Variants in ZNF615 observed in about 807,000 individuals in gnomAD.
ZNF615 encodes zinc finger protein 615.
A neutral mutation model predicts 15.3 loss-of-function variants in ZNF615; 15 were observed. That is an observed-to-expected ratio of 0.98 (90% confidence interval 0.66 to 1.51). ZNF615 has a LOEUF of 1.51. Ranked by LOEUF, ZNF615 falls within the 40% of genes most tolerant of loss-of-function variation. The pLI, the probability that ZNF615 is intolerant of heterozygous loss-of-function variation, is 0.00. For synonymous variants in ZNF615, 268 were observed against 294.6 expected (o/e 0.91, Z 0.92); for missense variants, 848 against 895.9 (o/e 0.95, Z 0.68).
At position 51,994,391 on chromosome 19, in the gene ZNF615, C is replaced by T. The variant is rs1468028068; in HGVS notation, c.718G>A (p.Glu240Lys). 1 of 1,614,140 alleles carries T rather than the reference C, an allele frequency of 6.2e-7. No individual in the cohort carries two copies. Among genetic ancestry groups the T allele is most frequent in the East Asian group, 2.2e-5 (1 of 44,876 alleles). ...FIDHQRVHTGEKPHVCSMCGK... is the reference protein window; with the variant it reads ...FIDHQRVHTGKKPHVCSMCGK... ...CACATACTGCATACATGAGGTTTTT[C>T]TCCAGTGTGAACTCTCTGATGATCA... The change falls in exon 7 of 7, where the codon GAA becomes AAA. Residue 240 changes from glutamate (E) to lysine (K), a missense_variant. By Grantham distance (56) the Glu-to-Lys change is moderately conservative. Transcript: ENST00000598071.
chr19:52,007,872 A>C, intron 1 of ZNF615: 1 of 444,812 alleles, frequency 2.2e-6, no homozygotes, highest in Non-Finnish European at 4.0e-6. Context: ...GCGGATCTCT[A>C]GAGATCTTTA....
rs574294806 is a variant in ZNF615, at chr19:52,003,845, T to C, written c.-134A>G. The C allele has an allele frequency of 9.3e-5, 141 of 1,508,816 alleles. No individual in the cohort carries two copies. In the African/African-American group the frequency reaches 1.8e-3, roughly 20 times the overall value. 93.5% of individuals were successfully genotyped at this position (1,508,816 alleles called of 1,614,324 possible). The stretch of plus-strand genomic sequence containing the variant: ...CCCCAGAAATGATGACACCCAAGTC[T>C]TGGAAACTCCGCCTCCTTCCTTCAC... On this transcript the variant is annotated 5_prime_UTR_variant, in exon 3 of 7. Coordinates refer to ENST00000598071, the MANE Select transcript of ZNF615 (RefSeq NM_001199324.2).
intron 2 of ZNF615, among the ~76,000 whole-genome samples, chr19:52,005,478 C>T (rs2086727916): frequency 6.6e-6 from 1 of 152,158 alleles, no homozygotes; most frequent in Non-Finnish European, 1.5e-5. Context: ...GTGGCAGCTA[C>T]TCAACTCTAC....
At chr19:51,996,045 C>T (rs17695996) in intron 6 of ZNF615, among the ~76,000 whole-genome samples, 8,882 of 151,896 alleles carry the variant, frequency 0.058, 289 homozygotes, top group Non-Finnish European at 0.062. Context: ...TTCAATGGGA[C>T]GAGTGAAAGA....
rs946573603 is a variant in ZNF615 at position 51,992,211 on chromosome 19, C to T, written c.*669G>A. On this transcript the variant is annotated 3_prime_UTR_variant, in exon 7 of 7. Transcript: ENST00000598071. ...TTATATACAATATTAAATTTTAGTT[C>T]GTGATTAGAGGAAGTCACAATTTAA... 4 of 152,152 alleles carry T rather than the reference C, an allele frequency of 2.6e-5. No individual in the cohort carries two copies. The highest frequency in any genetic ancestry group is 1.9e-4 in the East Asian group (1 of 5,170). The allele number at this position is 152,152 out of a possible 1,614,324, so 9.4% of individuals were successfully genotyped here.
intron 6 of ZNF615, among the ~76,000 whole-genome samples, chr19:51,995,717 T>A (rs191859297): frequency 2.0e-3 from 308 of 152,094 alleles, no homozygotes; most frequent in African/African-American, 7.3e-3. Context: ...ACCACAGGCA[T>A]GTGCCACCAC....
intron 1 of ZNF615, chr19:52,007,820 G>A (rs532343290): frequency 9.0e-6 from 3 of 335,134 alleles, no homozygotes; most frequent in South Asian, 6.1e-5. Flanking sequence ...CCCGCCAAAG[G>A]ACAACACCAA....
chr19:51,997,258 T>C (rs2086466616), intron 6 of ZNF615, among the ~76,000 whole-genome samples: 1 of 152,118 alleles, frequency 6.6e-6, no homozygotes, highest in Admixed American at 6.5e-5. Context: ...TGAGCCATGA[T>C]TGTGCCACTG....
At chr19:51,998,945 G>A (rs57224239) in intron 6 of ZNF615, among the ~76,000 whole-genome samples, 4,047 of 152,228 alleles carry the variant, frequency 0.027, 117 homozygotes, top group African/African-American at 0.075. Context: ...ATGAGCCACC[G>A]CGCCCAGCCC....
At chr19:51,997,087 GC>G (rs1370721342) in intron 6 of ZNF615, among the ~76,000 whole-genome samples, 1 of 152,108 alleles carries the variant, frequency 6.6e-6, no homozygotes, top group Non-Finnish European at 1.5e-5. Flanking sequence ...GTAGGGTGAG[GC>G]AAAGAGGATC....
chr19:52,003,898 G>A lies in ZNF615; in HGVS notation c.-187C>T. The A allele has an allele frequency of 1.4e-6, 2 of 1,386,808 alleles. No homozygotes were observed. The highest frequency in any genetic ancestry group is 1.9e-6 in the Non-Finnish European group (2 of 1,072,182). The allele number at this position is 1,386,808 out of a possible 1,614,324, so 85.9% of individuals were successfully genotyped here. A position where few individuals can be genotyped will look rare whatever the true frequency, so the allele number is the denominator to read the frequency against. Reference sequence around the variant, plus strand: ...GATTTCTCTTGTTCTCAGCACCTGTGGGCTGAAGAGCAAATTACTCTGAGT... The same window carrying A: ...GATTTCTCTTGTTCTCAGCACCTGTAGGCTGAAGAGCAAATTACTCTGAGT... On this transcript the variant is annotated splice_region_variant and 5_prime_UTR_variant, in exon 3 of 7. Transcript: ENST00000598071.
At chr19:51,997,164 A>G (rs545401943) in intron 6 of ZNF615, among the ~76,000 whole-genome samples, 1 of 152,250 alleles carries the variant, frequency 6.6e-6, no homozygotes, top group East Asian at 1.9e-4. Flanking sequence ...TAAAAAATAC[A>G]GAAATTAGCT....
intron 3 of ZNF615, 189 bp from the exon 4 acceptor site, chr19:52,002,470 T>C (rs965274948): frequency 1.2e-6 from 1 of 812,454 alleles, no homozygotes; most frequent in Non-Finnish European, 2.0e-6. Flanking sequence ...CATTCAACAA[T>C]GTTGAAAAGT....
At chr19:51,996,223 C>G (rs2123026786) in intron 6 of ZNF615, among the ~76,000 whole-genome samples, 1 of 151,830 alleles carries the variant, frequency 6.6e-6, no homozygotes, top group Non-Finnish European at 1.5e-5. Context: ...AACTGTGTCT[C>G]TACTAAAAAT....
chr19:52,002,833 G>GT (rs59175097), intron 3 of ZNF615, among the ~76,000 whole-genome samples: 33,452 of 147,160 alleles, frequency 0.23, 4,821 homozygotes, highest in African/African-American at 0.39. Context: ...TTGCTTGCTT[G>GT]TTTTTTTTTT....
In ZNF615 at chr19:51,993,370, A is replaced by T. The variant is rs747082365; in HGVS notation, c.1739T>A (p.Val580Glu). The T allele has an allele frequency of 1.9e-6, 3 of 1,613,840 alleles. No homozygotes were observed. The highest frequency in any genetic ancestry group is 2.5e-6 in the Non-Finnish European group (3 of 1,179,950). ...TAAGCCTTTGCCACATTCACTGCAT[A>T]CATAGGGTTTCTCTCCTGTATGAGT... ...RRTHTGEKPY[V>E]CSECGKGLTG... Residue 580 changes from valine (V) to glutamate (E), a missense_variant, in exon 7 of 7, where the codon GTA becomes GAA. By Grantham distance (121) the Val-to-Glu change is moderately radical. Transcript: ENST00000598071.
Position 51,994,645 on chromosome 19 carries a change from T to C in ZNF615, c.464A>G (p.Glu155Gly). The C allele has an allele frequency of 6.2e-7, 1 of 1,613,020 alleles. No individual in the cohort carries two copies. Among genetic ancestry groups the C allele is most frequent in the Non-Finnish European group, 8.5e-7 (1 of 1,179,914 alleles). The change falls in exon 7 of 7, where the codon GAA becomes GGA. Residue 155 changes from glutamate (E) to glycine (G), a missense_variant. Transcript: ENST00000598071. Reference protein sequence around the residue: ...EKPLKSNLSFENQKRSSGLKN... With the variant: ...EKPLKSNLSFGNQKRSSGLKN... ...TAGGCCAGAGCTCCTTTTCTGGTTTTCAAAACTTAAATTTGATTTTAAAGG... is the reference window on the plus strand; with the variant it reads ...TAGGCCAGAGCTCCTTTTCTGGTTTCCAAAACTTAAATTTGATTTTAAAGG...
chr19:52,007,476 G>A (rs1461999955), intron 1 of ZNF615, 146 bp from the exon 2 acceptor site: 1 of 385,948 alleles, frequency 2.6e-6, no homozygotes, highest in East Asian at 8.0e-5. Flanking sequence ...TCAAGACCAA[G>A]GGGTGATGGA....
Position 52,008,160 on chromosome 19 carries a change from T to C in ZNF615, c.-247A>G. On this transcript the variant is annotated 5_prime_UTR_variant, in exon 1 of 7. Coordinates refer to ENST00000598071, the MANE Select transcript of ZNF615 (RefSeq NM_001199324.2). ...ACTTACTTCCCAGAACTTGGTGGGC[T>C]CCGGCCTCATCTCTCGGCCTCCTCA... 1 of 1,535,532 alleles carries C rather than the reference T, an allele frequency of 6.5e-7. No individual in the cohort carries two copies.
Sources: allele counts gnomAD v4.1 joint callset (sites outside exome capture counted in the v4.1 genomes callset), GRCh38; gene constraint gnomAD v4.1.1; transcripts MANE v1.5; gene names NCBI Gene and HGNC (gene_info 2026-07-23, HGNC 2026-07-21).